The following PXN variants were observed in gnomAD, a reference collection of about 807,000 sequenced individuals.
PXN encodes the protein paxillin, also known as testicular tissue protein Li 134.
A neutral mutation model predicts 103.6 loss-of-function variants in PXN; 61 were observed. The ratio of observed to expected loss-of-function variants is 0.59; its 90% CI spans 0.48 to 0.73. The LOEUF is 0.73. Ranked by LOEUF, PXN falls within the 30% of genes least tolerant of loss-of-function variation. PXN has a pLI of 0.00. For missense variants in PXN, 1,274 were observed against 1,460.3 expected (o/e 0.87, Z 2.08); for synonymous variants, 562 against 607.8 (o/e 0.92, Z 1.11).
In PXN at chr12:120,214,301, G is replaced by T; in HGVS notation, c.2749-84C>A. 1 of 1,180,184 alleles carries T rather than the reference G, an allele frequency of 8.5e-7. No homozygotes were observed. Among genetic ancestry groups the T allele is most frequent in the Non-Finnish European group, 1.2e-6 (1 of 814,580 alleles). The allele number at this position is 1,180,184 out of a possible 1,614,324, so 73.1% of individuals were successfully genotyped here. A position where few individuals can be genotyped will look rare whatever the true frequency, so the allele number is the denominator to read the frequency against. ...GCCCAGCAAGGCCGTCCTTCCACCC[G>T]CAGCTCATAGCCATAGACAGAGCAA... On this transcript the variant is annotated intron_variant, in intron 12 of 14. Transcript: ENST00000637617. This position sits in a 1 kb window ranked among gnomAD's most constrained non-coding sequence, Gnocchi z 5.0.
chr12:120,261,433 C>T (rs1025397273), intron 1 of PXN, among the ~76,000 whole-genome samples: 1 of 152,144 alleles, frequency 6.6e-6, no homozygotes. Flanking sequence ...TCAAAAGATG[C>T]ACCCACTTCA....
rs1886528366 is a variant in PXN, at chr12:120,225,223, C to T, written c.14-846G>A. The T allele has an allele frequency of 6.1e-6, 1 of 163,066 alleles. No individual in the cohort carries two copies. The highest frequency in any genetic ancestry group is 2.4e-5 in the African/African-American group (1 of 41,548). The allele number at this position is 163,066 out of a possible 1,614,324, so 10.1% of individuals were successfully genotyped here. On this transcript the variant is annotated intron_variant, in intron 1 of 14. Coordinates refer to ENST00000637617, the MANE Select transcript of PXN (RefSeq NM_001385981.1). This position sits in a 1 kb window ranked among gnomAD's most constrained non-coding sequence, Gnocchi z 4.4. ...AGGGTATAGAAGGGCAGGAGTAGGACCTGCTGACCCCCACTTCCTCCATCC... is the reference window on the plus strand; with the variant it reads ...AGGGTATAGAAGGGCAGGAGTAGGATCTGCTGACCCCCACTTCCTCCATCC...
intron 1 of PXN, among the ~76,000 whole-genome samples, chr12:120,237,014 C>T (rs1889181997): frequency 6.6e-6 from 1 of 151,854 alleles, no homozygotes; most frequent in Non-Finnish European, 1.5e-5. Context: ...GTTGCCAGGG[C>T]TAGCCTGGAA....
At chr12:120,238,154 A>G (rs1381393055) in intron 1 of PXN, among the ~76,000 whole-genome samples, 2 of 151,984 alleles carry the variant, frequency 1.3e-5, no homozygotes, top group Non-Finnish European at 2.9e-5. Context: ...AGGAGAGAAG[A>G]TATTTTCCTG....
Position 120,214,975 on chromosome 12 carries a change from C to A in PXN, c.2598G>T (p.Thr866=). 1 of 1,613,830 alleles carries A rather than the reference C, an allele frequency of 6.2e-7. No homozygotes were observed. Among genetic ancestry groups the A allele is most frequent in the Non-Finnish European group, 8.5e-7 (1 of 1,179,806 alleles). ...AGQVVTAMGK[T]WHPEHFVCTH... The stretch of plus-strand genomic sequence containing the variant: ...TGCAGACGAAGTGCTCGGGGTGCCA[C>A]GTCTTCCCCATGGCGGTCACAACCT... Residue 866 remains threonine (T), a synonymous_variant, in exon 12 of 15, where the codon ACG becomes ACT. Coordinates refer to ENST00000637617, the MANE Select transcript of PXN (RefSeq NM_001385981.1). The surrounding 1 kb of genome is among the most constrained non-coding windows in gnomAD (Gnocchi z 5.0).
At chr12:120,223,166 G>A (rs571575585) in intron 3 of PXN, among the ~76,000 whole-genome samples, 167 bp from the exon 4 acceptor site, 4 of 151,120 alleles carry the variant, frequency 2.6e-5, no homozygotes, top group Admixed American at 6.6e-5. Context: ...GGAGGAGGCC[G>A]GGCACAGTGG....
rs771111210 is a variant in PXN, at chr12:120,215,100, C to G, written c.2574+3G>C. Reference sequence around the variant, plus strand: ...CACACCCCTGCCCACTCCCCCTCATCACCTGCCCGGCGATGGGCTTCTTGC... The same window carrying G: ...CACACCCCTGCCCACTCCCCCTCATGACCTGCCCGGCGATGGGCTTCTTGC... On this transcript the variant is annotated splice_donor_region_variant and intron_variant, in intron 11 of 14. Coordinates refer to ENST00000637617, the MANE Select transcript of PXN (RefSeq NM_001385981.1). This position sits in a 1 kb window ranked among gnomAD's most constrained non-coding sequence, Gnocchi z 4.9. The G allele has an allele frequency of 6.3e-7, 1 of 1,582,060 alleles. No homozygotes were observed. The highest frequency in any genetic ancestry group is 2.2e-5 in the East Asian group (1 of 44,510).
intron 1 of PXN, among the ~76,000 whole-genome samples, chr12:120,252,357 C>T (rs939727028): frequency 6.6e-6 from 1 of 152,136 alleles, no homozygotes; most frequent in African/African-American, 2.4e-5. Flanking sequence ...CTAATTTACA[C>T]AGATCTGTAA....
At chr12:120,261,990 G>A (rs1893948743) in intron 1 of PXN, among the ~76,000 whole-genome samples, 1 of 152,126 alleles carries the variant, frequency 6.6e-6, no homozygotes, top group African/African-American at 2.4e-5. Context: ...CCACCAGGAG[G>A]GCACTATCGC....
chr12:120,248,434 C>T (rs1891546093), intron 1 of PXN, among the ~76,000 whole-genome samples: 1 of 151,342 alleles, frequency 6.6e-6, no homozygotes, highest in African/African-American at 2.4e-5. Context: ...ACCTGGTTGA[C>T]TATGTTTCCT....
chr12:120,217,569 GT>G lies in PXN; in HGVS notation c.1717-454del. Among the ~76,000 whole-genome samples the G allele has an allele frequency of 6.6e-6, 1 of 151,948 alleles. No individual in the cohort carries two copies. Among genetic ancestry groups the G allele is most frequent in the South Asian group, 2.1e-4 (1 of 4,806 alleles). On this transcript the variant is annotated intron_variant, in intron 7 of 14. Transcript: ENST00000637617. The surrounding 1 kb of genome is among the most constrained non-coding windows in gnomAD (Gnocchi z 4.1). ...TTTTTTAATTTATAATAGAAAAAGT[GT>G]TTCCTTCCAGGAACTTTTTTTTGGG...
rs768933754 is a variant in PXN at position 120,219,884 on chromosome 12, T to G, written c.1039A>C (p.Ser347Arg). The change falls in exon 7 of 15, where the codon AGC becomes CGC. Residue 347 changes from serine (S) to arginine (R), a missense_variant. Physicochemically the swap from Ser to Arg is moderately radical, Grantham distance 110 (BLOSUM62 -1). Around this residue, in one of 2 missense-constraint regions of PXN, gnomAD observed 1,178 missense variants for 1,309.0 expected, o/e 0.90. Coordinates refer to ENST00000637617, the MANE Select transcript of PXN (RefSeq NM_001385981.1). The surrounding 1 kb of genome is among the most constrained non-coding windows in gnomAD (Gnocchi z 6.5). The stretch of plus-strand genomic sequence containing the variant: ...CCAAGACCAGCCAAATCAAGCCAGC[T>G]GGGGGCTACAGGAGGTAGAAGGCCT... ...GRGLLPPVAP[S>R]WLDLAGLGVM... 3.8e-6 allele frequency: 6 copies of G among 1,598,378 alleles called. No homozygotes were observed. Among genetic ancestry groups the G allele is most frequent in the Non-Finnish European group, 5.1e-6 (6 of 1,179,792 alleles).
chr12:120,257,406 G>A lies in PXN; in HGVS notation c.13+8211C>T, dbSNP rs565063822. Among the ~76,000 whole-genome samples the A allele has an allele frequency of 1.5e-4, 23 of 152,268 alleles. No individual in the cohort carries two copies. In the East Asian group the frequency reaches 3.9e-3, roughly 26 times the overall value. On this transcript the variant is annotated intron_variant, in intron 1 of 14. Transcript: ENST00000637617. The stretch of plus-strand genomic sequence containing the variant: ...AGGCAGAGTGAAGCTCTGAGCCCTC[G>A]CTAGAAGACCTCATAGTCCTCGCCA...
At position 120,212,267 on chromosome 12, in the gene PXN, T is replaced by C. The variant is rs769477361; in HGVS notation, c.*47A>G. ...TGAAGTCTCTAGGTCACAGTCGCAGTTGGGGATGCTGGCTGGGGAAGGGGG... is the reference window on the plus strand; with the variant it reads ...TGAAGTCTCTAGGTCACAGTCGCAGCTGGGGATGCTGGCTGGGGAAGGGGG... On this transcript the variant is annotated 3_prime_UTR_variant, in exon 15 of 15. Transcript: ENST00000637617. The surrounding 1 kb of genome is among the most constrained non-coding windows in gnomAD (Gnocchi z 7.2). The C allele has an allele frequency of 1.9e-6, 3 of 1,590,494 alleles. No homozygotes were observed. The highest frequency in any genetic ancestry group is 2.2e-5 in the East Asian group (1 of 44,594).
chr12:120,258,715 C>T (rs1478380108), intron 1 of PXN, among the ~76,000 whole-genome samples: 3 of 152,164 alleles, frequency 2.0e-5, no homozygotes, highest in African/African-American at 7.2e-5. Flanking sequence ...ACGCATGGCC[C>T]TTGTGCTCTC....
intron 1 of PXN, among the ~76,000 whole-genome samples, chr12:120,243,181 C>A (rs1890456555): frequency 6.6e-6 from 1 of 152,170 alleles, no homozygotes; most frequent in Non-Finnish European, 1.5e-5. Context: ...TCTTCTTTAC[C>A]AGGCTAAATC....
In PXN at chr12:120,219,250, A is replaced by G. The variant is rs764638320; in HGVS notation, c.1673T>C (p.Met558Thr). 17 of 1,597,248 alleles carry G rather than the reference A, an allele frequency of 1.1e-5. No individual in the cohort carries two copies. In the Admixed American group the frequency reaches 2.8e-4, roughly 27 times the overall value. ...CCTCTCCGTGGTGCTGGGTGTGCCC[A>G]TGGCCATGGCACATGGAAGCTCTGG... ...EQPELPCAMAMGTPSTTERIS... is the reference protein window; with the variant it reads ...EQPELPCAMATGTPSTTERIS... Residue 558 changes from methionine (M) to threonine (T), a missense_variant, in exon 7 of 15, where the codon ATG (methionine) becomes ACG (threonine). This residue lies in a region of PXN where 1,178 missense variants were observed against 1,309.0 expected (regional missense o/e 0.90). Transcript: ENST00000637617. The surrounding 1 kb of genome is among the most constrained non-coding windows in gnomAD (Gnocchi z 6.5).
chr12:120,261,983 C>G (rs1893946563), intron 1 of PXN, among the ~76,000 whole-genome samples: 1 of 152,178 alleles, frequency 6.6e-6, no homozygotes, highest in Non-Finnish European at 1.5e-5. Flanking sequence ...GCAGAGCCCA[C>G]CAGGAGGGCA....
intron 1 of PXN, among the ~76,000 whole-genome samples, chr12:120,250,426 TCTACTG>T (rs1295861087): frequency 6.6e-6 from 1 of 152,138 alleles, no homozygotes; most frequent in Non-Finnish European, 1.5e-5. Context: ...TCTCCTTTTT[TCTACTG>T]CTACTAGGAG....
Sources: gnomAD v4.1 joint callset for allele counts (sites outside exome capture counted in the v4.1 genomes callset) on GRCh38, gnomAD v4.1.1 for gene constraint, gnomAD v4.1.1 regional missense constraint, Gnocchi (gnomAD v3.1) non-coding constraint, MANE v1.5 for transcripts, NCBI Gene and HGNC (gene_info 2026-07-23, HGNC 2026-07-21) for gene names.